Variants in ITFG1 observed in about 807,000 individuals in gnomAD.
ITFG1 encodes the protein T-cell immunomodulatory protein.
In ITFG1, 34 loss-of-function variants were observed where a neutral mutation model predicts 81.8. The observed-to-expected ratio is 0.42, with a 90% CI of 0.32 to 0.55. The LOEUF (loss-of-function observed/expected upper bound fraction) is 0.55. Among genes scored for constraint, ITFG1 ranks in the 20% least tolerant of loss-of-function variants. ITFG1 has a pLI of 0.17. For missense variants in ITFG1, 672 were observed against 755.4 expected (o/e 0.89, Z 1.29); for synonymous variants, 285 against 270.6 (o/e 1.05, Z -0.52).
At chr16:47,191,417 T>C (rs1965291404) in intron 14 of ITFG1, among the ~76,000 whole-genome samples, 1 of 152,128 alleles carries the variant, frequency 6.6e-6, no homozygotes. Context: ...AATTTTTAGT[T>C]CATCAGCTGT....
intron 8 of ITFG1, among the ~76,000 whole-genome samples, chr16:47,364,182 G>A (rs2151586308): frequency 6.6e-6 from 1 of 152,224 alleles, no homozygotes; most frequent in Non-Finnish European, 1.5e-5. Context: ...GCCAATGTGT[G>A]ATATTTATTA....
intron 6 of ITFG1, among the ~76,000 whole-genome samples, chr16:47,383,836 G>T (rs1377163405): frequency 6.6e-6 from 1 of 152,174 alleles, no homozygotes; most frequent in Non-Finnish European, 1.5e-5. Flanking sequence ...TCCAGGAGGC[G>T]GAGGTTGCAG....
rs943488601 is a variant in ITFG1, at chr16:47,416,037, T to C, written c.655+12767A>G. Reference sequence around the variant, plus strand: ...TGAACCCAGGAGGCAGAGGCTGCAATGAGCCAAGATTGCACCATTGCACTC... The same window carrying C: ...TGAACCCAGGAGGCAGAGGCTGCAACGAGCCAAGATTGCACCATTGCACTC... On this transcript the variant is annotated intron_variant, in intron 6 of 17. Coordinates refer to ENST00000320640, the MANE Select transcript of ITFG1 (RefSeq NM_030790.5). Among the ~76,000 whole-genome samples the C allele has an allele frequency of 2.0e-5, 3 of 152,256 alleles. No individual in the cohort carries two copies. In the East Asian group the frequency reaches 5.8e-4, roughly 29 times the overall value.
intron 10 of ITFG1, chr16:47,299,820 G>C (rs1474287716): frequency 6.6e-6 from 1 of 152,250 alleles, no homozygotes; most frequent in Non-Finnish European, 1.5e-5. Context: ...TGGCTCCCAG[G>C]TGAAACCCCT....
intron 14 of ITFG1, among the ~76,000 whole-genome samples, chr16:47,195,045 G>T (rs1965340791): frequency 6.6e-6 from 1 of 151,982 alleles, no homozygotes; most frequent in African/African-American, 2.4e-5. Context: ...CATTCTCTAA[G>T]ACTCTCTTAA....
At chr16:47,407,572 C>T (rs146732275) in intron 6 of ITFG1, among the ~76,000 whole-genome samples, 2 of 152,288 alleles carry the variant, frequency 1.3e-5, no homozygotes, top group African/African-American at 4.8e-5. Context: ...GTCTAGAACT[C>T]CTGGTCTCAT....
At chr16:47,349,840 C>T (rs948424001) in intron 8 of ITFG1, among the ~76,000 whole-genome samples, 1 of 152,158 alleles carries the variant, frequency 6.6e-6, no homozygotes, top group African/African-American at 2.4e-5. Flanking sequence ...TGTAGAAGAA[C>T]AGAAATTATA....
chr16:47,203,857 C>T (rs182614052), intron 14 of ITFG1, among the ~76,000 whole-genome samples: 42 of 152,258 alleles, frequency 2.8e-4, no homozygotes, highest in East Asian at 5.8e-4. Flanking sequence ...TAGAATGGTA[C>T]ATGCCATGGG....
chr16:47,163,376 T>C lies in ITFG1; in HGVS notation c.1454-712A>G, dbSNP rs1340682455. 2.6e-5 allele frequency among the ~76,000 whole-genome samples: 4 copies of C among 152,226 alleles called. No individual in the cohort carries two copies. In the South Asian group the frequency reaches 6.2e-4, roughly 24 times the overall value. ...AGATTTGCCTATTCTGAAGATTTCA[T>C]ATAAATGCAATCATACAATGTGGTC... On this transcript the variant is annotated intron_variant, in intron 14 of 17. Transcript: ENST00000320640.
intron 14 of ITFG1, among the ~76,000 whole-genome samples, chr16:47,202,707 T>C (rs905010015): frequency 6.6e-6 from 1 of 152,074 alleles, no homozygotes; most frequent in African/African-American, 2.4e-5. Context: ...GGCCTAGGTC[T>C]TGAATAGATA....
At chr16:47,349,464 C>A (rs1002782173) in intron 8 of ITFG1, among the ~76,000 whole-genome samples, 1 of 152,176 alleles carries the variant, frequency 6.6e-6, no homozygotes, top group Admixed American at 6.5e-5. Flanking sequence ...AGACAAAGAA[C>A]ACCATTACAT....
chr16:47,258,359 C>CT (rs1316651211), intron 12 of ITFG1, among the ~76,000 whole-genome samples: 2 of 152,160 alleles, frequency 1.3e-5, no homozygotes, highest in Non-Finnish European at 2.9e-5. Flanking sequence ...TAAGAAAAGA[C>CT]TGAGGAACTG....
intron 8 of ITFG1, among the ~76,000 whole-genome samples, chr16:47,326,947 C>G (rs1204432860): frequency 6.6e-6 from 1 of 152,148 alleles, no homozygotes; most frequent in Non-Finnish European, 1.5e-5. Context: ...CTACCAATGA[C>G]TTTCTTCACA....
intron 10 of ITFG1, among the ~76,000 whole-genome samples, chr16:47,300,884 C>T (rs188439009): frequency 5.1e-4 from 77 of 152,262 alleles, no homozygotes; most frequent in African/African-American, 1.9e-3. Flanking sequence ...AAAGATTATG[C>T]AATGAACTGG....
At chr16:47,318,634 T>C (rs1967402445) in intron 8 of ITFG1, among the ~76,000 whole-genome samples, 1 of 152,166 alleles carries the variant, frequency 6.6e-6, no homozygotes, top group Non-Finnish European at 1.5e-5. Flanking sequence ...ATGTGACTTA[T>C]ATCTATGCTT....
chr16:47,195,430 C>G (rs1446072062), intron 14 of ITFG1, among the ~76,000 whole-genome samples: 1 of 152,172 alleles, frequency 6.6e-6, no homozygotes, highest in Non-Finnish European at 1.5e-5. Flanking sequence ...ATTCCTGTCT[C>G]TCATGTCATT....
chr16:47,250,191 A>G (rs1455675059), intron 12 of ITFG1, among the ~76,000 whole-genome samples: 1 of 152,102 alleles, frequency 6.6e-6, no homozygotes, highest in Admixed American at 6.5e-5. Context: ...TCTATGGAAG[A>G]TTTTTTGGTC....
At chr16:47,187,777 C>G (rs368937359) in intron 14 of ITFG1, among the ~76,000 whole-genome samples, 1 of 151,722 alleles carries the variant, frequency 6.6e-6, no homozygotes, top group Non-Finnish European at 1.5e-5. Flanking sequence ...CTAATTAAAC[C>G]AAAGAGCTTC....
intron 5 of ITFG1, among the ~76,000 whole-genome samples, chr16:47,440,019 A>T (rs1053952745): frequency 6.6e-6 from 1 of 152,200 alleles, no homozygotes; most frequent in Non-Finnish European, 1.5e-5. Context: ...AAACAAAAAA[A>T]GGCAGGGGTT....
Sources: allele counts gnomAD v4.1 joint callset (sites outside exome capture counted in the v4.1 genomes callset), GRCh38; gene constraint gnomAD v4.1.1; transcripts MANE v1.5; gene names NCBI Gene and HGNC (gene_info 2026-07-23, HGNC 2026-07-21).